Variants in PRRC2C observed in about 807,000 individuals in gnomAD.
PRRC2C encodes the protein proline rich coiled-coil 2C, also known as protein PRRC2C.
A neutral mutation model predicts 317.2 loss-of-function variants in PRRC2C; 72 were observed. The observed-to-expected ratio is 0.23, with a 90% CI of 0.19 to 0.28. The LOEUF is 0.28. PRRC2C is among the 10% of genes least tolerant of loss of function. The probability of loss-of-function intolerance (pLI) is 1.00; values close to 1 mark genes in which losing one functional copy is unlikely to be tolerated. For synonymous variants in PRRC2C, 1,296 were observed against 1,205.9 expected, an observed-to-expected ratio of 1.07 and a Z score of -1.55; for missense variants, 3,074 against 3,459.7, an observed-to-expected ratio of 0.89 and a Z score of 2.80.
intron 1 of PRRC2C, among the ~76,000 whole-genome samples, chr1:171,497,761 G>A (rs1300701087): frequency 2.0e-5 from 3 of 152,094 alleles, no homozygotes; most frequent in Non-Finnish European, 2.9e-5. Flanking sequence ...AAGCCACTGC[G>A]CGTGGCCCTA....
Position 171,512,271 on chromosome 1 carries a change from T to C in PRRC2C, c.112+71T>C, listed in dbSNP as rs751186780. 1.4e-5 allele frequency: 15 copies of C among 1,093,034 alleles called. No individual in the cohort carries two copies. The South Asian group carries it at 1.9e-4, about 14-fold the overall frequency. The allele number at this position is 1,093,034 out of a possible 1,614,324, so 67.7% of individuals were successfully genotyped here. ...TTACTATAAGTGATACACCTGCTGC[T>C]ATGAGAAGCTAGGATGTACCCAAGT... On this transcript the variant is annotated intron_variant, in intron 2 of 34. Transcript: ENST00000647382.
chr1:171,542,992 C>T (rs2102511443), intron 16 of PRRC2C, among the ~76,000 whole-genome samples: 1 of 148,374 alleles, frequency 6.7e-6, no homozygotes, highest in South Asian at 2.2e-4. Context: ...GATATCCTGA[C>T]CTCGTGATCC....
Position 171,523,502 on chromosome 1 carries a change from C to T in PRRC2C, c.1035C>T (p.Asn345=). ...GTGATGATGATGAACAAGGAAGTAACAGTCCTAAAGAGAATAACAGGTAAG... is the reference window on the plus strand; with the variant it reads ...GTGATGATGATGAACAAGGAAGTAATAGTCCTAAAGAGAATAACAGGTAAG... ...NFSDDDEQGS[N]SPKENNSEDQ... is the part of the protein sequence containing the mutation. The change falls in exon 9 of 35, where the codon AAC becomes AAT. Residue 345 remains asparagine, a synonymous_variant. Coordinates refer to ENST00000647382, the MANE Select transcript of PRRC2C (RefSeq NM_001387844.1). 1.2e-6 allele frequency: 2 copies of T among 1,610,754 alleles called. No homozygotes were observed. The highest frequency in any genetic ancestry group is 1.7e-6 in the Non-Finnish European group (2 of 1,178,642).
intron 32 of PRRC2C, 84 bp downstream of exon 32, chr1:171,587,835 C>T (rs1650403861): frequency 2.5e-6 from 2 of 806,948 alleles, no homozygotes; most frequent in South Asian, 3.8e-5. Flanking sequence ...GTGACATAAT[C>T]CCTTTTCCAA....
At chr1:171,486,951 A>G (rs1235707919) in intron 1 of PRRC2C, among the ~76,000 whole-genome samples, 1 of 152,128 alleles carries the variant, frequency 6.6e-6, no homozygotes, top group Admixed American at 6.5e-5. Context: ...TTTCTGGCTC[A>G]CCCCAAATGC....
At chr1:171,486,604 T>G (rs1282234439) in intron 1 of PRRC2C, among the ~76,000 whole-genome samples, 1 of 152,190 alleles carries the variant, frequency 6.6e-6, no homozygotes, top group Non-Finnish European at 1.5e-5. Flanking sequence ...ATGCCTGATG[T>G]TTGCTGGCTT....
chr1:171,553,484 C>T lies in PRRC2C; in HGVS notation c.5127+3244C>T, dbSNP rs529533618. ...CTATCTCCTTCAGTTCTGCTCTGAT[C>T]TTAGTTATTTCTTGCCTTCTGCTAG... On this transcript the variant is annotated intron_variant, in intron 18 of 34. Transcript: ENST00000647382. Among the ~76,000 whole-genome samples the T allele has an allele frequency of 6.2e-4, 94 of 151,486 alleles. 1 individual carries two copies. Among genetic ancestry groups the T allele is most frequent in the Non-Finnish European group, 1.1e-3 (72 of 67,888 alleles).
At chr1:171,539,087 C>T (rs537020431) in intron 15 of PRRC2C, among the ~76,000 whole-genome samples, 9 of 151,858 alleles carry the variant, frequency 5.9e-5, no homozygotes, top group African/African-American at 9.7e-5. Context: ...CCGCAACCTC[C>T]GCCTCCCGGG....
At chr1:171,486,015 C>T (rs1571493941) in intron 1 of PRRC2C, among the ~76,000 whole-genome samples, 1 of 152,010 alleles carries the variant, frequency 6.6e-6, no homozygotes, top group Non-Finnish European at 1.5e-5. Context: ...TTGCTCCCAC[C>T]TAGACCCCAG....
chr1:171,576,391 T>C (rs867711106), intron 25 of PRRC2C, among the ~76,000 whole-genome samples: 62 of 152,212 alleles, frequency 4.1e-4, no homozygotes, highest in African/African-American at 1.4e-3. Context: ...TACTGGTAGA[T>C]GATTCACTAG....
chr1:171,533,783 C>G (rs1319522618), intron 12 of PRRC2C, among the ~76,000 whole-genome samples: 1 of 152,096 alleles, frequency 6.6e-6, no homozygotes, highest in Non-Finnish European at 1.5e-5. Context: ...GCCACCGCAC[C>G]CAGCTAATTT....
chr1:171,513,238 A>G (rs931472512), intron 3 of PRRC2C, 66 bp downstream of exon 3: 2 of 1,452,842 alleles, frequency 1.4e-6, no homozygotes, highest in African/African-American at 2.8e-5. Context: ...ATGTTTGAGT[A>G]CCTGCTATTT....
Position 171,540,723 on chromosome 1 carries a change from C to T in PRRC2C, c.3257C>T (p.Ala1086Val). The T allele has an allele frequency of 6.2e-7, 1 of 1,614,014 alleles. No homozygotes were observed. Among genetic ancestry groups the T allele is most frequent in the Non-Finnish European group, 8.5e-7 (1 of 1,179,896 alleles). ...GTTCCACCACCAATTCAACCAGAAG[C>T]AGAGAAATTTCCTTCAACAGAAACT... Reference protein sequence around the residue: ...QSVPPPIQPEAEKFPSTETAT... With the variant: ...QSVPPPIQPEVEKFPSTETAT... The change falls in exon 16 of 35, where the codon GCA becomes GTA. Residue 1086 changes from alanine (A) to valine (V), a missense_variant. Around this residue, in one of 11 missense-constraint regions of PRRC2C, gnomAD observed 1,320 missense variants for 1,395.7 expected, o/e 0.95. Transcript: ENST00000647382.
intron 12 of PRRC2C, among the ~76,000 whole-genome samples, chr1:171,534,161 TTTAA>T (rs1263687047): frequency 6.6e-6 from 1 of 152,194 alleles, no homozygotes; most frequent in Non-Finnish European, 1.5e-5. Context: ...GTATTTTATC[TTTAA>T]TTTTTTTAAT....
chr1:171,541,826 G>T lies in PRRC2C; in HGVS notation c.4360G>T (p.Val1454Leu), dbSNP rs565610886. 2.0e-5 allele frequency: 32 copies of T among 1,613,840 alleles called. No individual in the cohort carries two copies. In the Admixed American group the frequency reaches 2.0e-4, roughly 10 times the overall value. ...GGAGGCTGCTTCAAAATCAAATGAG[G>T]TGGTAGCAGTGCCCACAAATGGCAC... ...EREAASKSNE[V>L]VAVPTNGTVN... The change falls in exon 16 of 35, where the codon GTG (valine) becomes TTG (leucine). Residue 1454 changes from valine to leucine, a missense_variant. This residue lies in a region of PRRC2C where 1,320 missense variants were observed against 1,395.7 expected (regional missense o/e 0.95). Transcript: ENST00000647382. This position sits in a 1 kb window ranked among gnomAD's most constrained non-coding sequence, Gnocchi z 4.1.
At chr1:171,561,163 C>T in intron 20 of PRRC2C, 60 bp downstream of exon 20, 2 of 1,457,574 alleles carry the variant, frequency 1.4e-6, no homozygotes, top group Non-Finnish European at 1.9e-6. Context: ...TTCAGTGTGG[C>T]CGGGTGTGGT....
chr1:171,569,606 CTTTT>C (rs545749265), intron 23 of PRRC2C, among the ~76,000 whole-genome samples: 1,028 of 37,318 alleles, frequency 0.028, 17 homozygotes, highest in Middle Eastern at 0.095. Context: ...TTTTTTTTTT[CTTTT>C]TTTAACTCCT....
At chr1:171,551,811 A>G (rs548997919) in intron 18 of PRRC2C, among the ~76,000 whole-genome samples, 4 of 151,970 alleles carry the variant, frequency 2.6e-5, no homozygotes, top group African/African-American at 9.7e-5. Context: ...GTTCTGTTCC[A>G]TTGGTCTGTA....
At chr1:171,534,574 A>G (rs1353097152) in intron 12 of PRRC2C, among the ~76,000 whole-genome samples, 4 of 151,532 alleles carry the variant, frequency 2.6e-5, no homozygotes, top group African/African-American at 4.8e-5. Flanking sequence ...GTCAGTGCCT[A>G]TGTGGCTCTT....
Sources: allele counts gnomAD v4.1 joint callset (sites outside exome capture counted in the v4.1 genomes callset), GRCh38; gene constraint gnomAD v4.1.1; regional missense constraint gnomAD v4.1.1; non-coding constraint Gnocchi (gnomAD v3.1); transcripts MANE v1.5; gene names NCBI Gene and HGNC (gene_info 2026-07-23, HGNC 2026-07-21).